Variants in ZNF724 observed in about 807,000 individuals in gnomAD.
ZNF724 encodes zinc finger protein 724 pseudogene.
A neutral mutation model predicts 29.3 loss-of-function variants in ZNF724; 14 were observed. The ratio of observed to expected loss-of-function variants is 0.48; its 90% CI spans 0.32 to 0.75. The LOEUF is 0.75. Among genes scored for constraint, ZNF724 ranks in the 30% least tolerant of loss-of-function variants. The pLI is 0.04. For synonymous variants in ZNF724, 180 were observed against 193.6 expected, an observed-to-expected ratio of 0.93 and a Z score of 0.58; for missense variants, 557 against 571.2, an observed-to-expected ratio of 0.98 and a Z score of 0.25.
At chr19:23,250,052 CG>C (rs1649685560) in intron 1 of ZNF724, among the ~76,000 whole-genome samples, 187 bp downstream of exon 1, 1 of 152,124 alleles carries the variant, frequency 6.6e-6, no homozygotes, top group South Asian at 2.1e-4. Flanking sequence ...ACAAGACGCC[CG>C]GGGGCCGGCT....
chr19:23,237,657 C>G (rs1972042821), intron 1 of ZNF724, among the ~76,000 whole-genome samples: 1 of 149,330 alleles, frequency 6.7e-6, no homozygotes. Context: ...GTAATCCCAG[C>G]TACTCAGCCG....
At chr19:23,249,404 CT>C (rs34604063) in intron 1 of ZNF724, among the ~76,000 whole-genome samples, 14 of 146,102 alleles carry the variant, frequency 9.6e-5, no homozygotes, top group Non-Finnish European at 1.1e-4. Flanking sequence ...CTATGCCCGG[CT>C]TTTTTTTTTT....
chr19:23,222,476 T>A lies in ZNF724; in HGVS notation c.1769A>T (p.Tyr590Phe), dbSNP rs748388065. 2.4e-5 allele frequency: 31 copies of A among 1,302,014 alleles called. No homozygotes were observed. The highest frequency in any genetic ancestry group is 1.8e-4 in the Middle Eastern group (1 of 5,476). The allele number at this position is 1,302,014 out of a possible 1,614,324, so 80.7% of individuals were successfully genotyped here. A position where few individuals can be genotyped will look rare whatever the true frequency, so the allele number is the denominator to read the frequency against. Residue 590 changes from tyrosine to phenylalanine, a missense_variant, in exon 4 of 4, where the codon TAC (tyrosine) becomes TTC (phenylalanine). By Grantham distance (22) the Tyr-to-Phe change is conservative. This residue lies in a region of ZNF724 where 170 missense variants were observed against 220.7 expected (regional missense o/e 0.77). Coordinates refer to ENST00000418100, the MANE Select transcript of ZNF724 (RefSeq NM_001355404.2). ...HKVIHTGEKP[Y>F]KCKECGKAFN... ...AGCTTTGCCACATTCTTTACATTTG[T>A]AGGGTTTCTCTCCAGTATGAATTAC...
chr19:23,226,290 A>G (rs1214034286), intron 3 of ZNF724, among the ~76,000 whole-genome samples: 1 of 152,090 alleles, frequency 6.6e-6, no homozygotes, highest in Non-Finnish European at 1.5e-5. Context: ...TGACCTCGTG[A>G]TCTGCCCACC....
chr19:23,222,794 C>T lies in ZNF724; in HGVS notation c.1451G>A (p.Gly484Asp). ...GEKPYKCEEC[G>D]KAFNLSSHLT... ...GTGTGAGGATAGGTTAAAAGCTTTG[C>T]CACATTCTTCACATTTGTAGGGTTT... Residue 484 changes from glycine to aspartate, a missense_variant, in exon 4 of 4, where the codon GGC (glycine) becomes GAC (aspartate). Coordinates refer to ENST00000418100, the MANE Select transcript of ZNF724 (RefSeq NM_001355404.2). 1 of 1,415,780 alleles carries T rather than the reference C, an allele frequency of 7.1e-7. No homozygotes were observed. The allele number at this position is 1,415,780 out of a possible 1,614,324, so 87.7% of individuals were successfully genotyped here.
intron 1 of ZNF724, among the ~76,000 whole-genome samples, chr19:23,245,733 T>TGCCTA (rs1191144213): frequency 6.6e-6 from 1 of 152,170 alleles, no homozygotes; most frequent in East Asian, 1.9e-4. Flanking sequence ...CACCCTTGTC[T>TGCCTA]GCCTAACCTT....
At chr19:23,232,097 A>G (rs1971944152) in intron 2 of ZNF724, 70 bp downstream of exon 2, 2 of 1,173,974 alleles carry the variant, frequency 1.7e-6, no homozygotes, top group East Asian at 4.7e-5. Context: ...AATTACCAAA[A>G]AACATCCTAC....
In ZNF724 at chr19:23,232,215, A is replaced by C. The variant is rs1284274657; in HGVS notation, c.82T>G (p.Leu28Val). Residue 28 changes from leucine (L) to valine (V), a missense_variant, in exon 2 of 4, where the codon TTA becomes GTA. This residue lies in a region of ZNF724 where 25 missense variants were observed against 54.9 expected (regional missense o/e 0.46). Transcript: ENST00000418100. The stretch of plus-strand genomic sequence containing the variant: ...TTCTCTAACATCACGTTCCTATATA[A>C]ATTCTGCTGTGCAGTGTCCAGGCAT... ...WQCLDTAQQNLYRNVMLENYR... is the reference protein window; with the variant it reads ...WQCLDTAQQNVYRNVMLENYR... The C allele has an allele frequency of 1.5e-6, 2 of 1,354,360 alleles. No individual in the cohort carries two copies. The highest frequency in any genetic ancestry group is 4.6e-5 in the East Asian group (2 of 43,648). The allele number at this position is 1,354,360 out of a possible 1,614,324, so 83.9% of individuals were successfully genotyped here.
intron 3 of ZNF724, among the ~76,000 whole-genome samples, chr19:23,224,812 A>G (rs1488825669): frequency 6.6e-6 from 1 of 151,782 alleles, no homozygotes; most frequent in African/African-American, 2.4e-5. Context: ...AAAATTAGCC[A>G]GGTGTGGTGG....
intron 1 of ZNF724, among the ~76,000 whole-genome samples, chr19:23,233,876 T>C (rs1272937066): frequency 6.6e-6 from 1 of 151,434 alleles, no homozygotes; most frequent in Non-Finnish European, 1.5e-5. Context: ...TCTGGACAAA[T>C]TACACCTGCA....
In ZNF724 at chr19:23,232,161, T is replaced by A; in HGVS notation, c.130+6A>T. ...ATTAGGAATTGTGTATTGAAGTTAT[T>A]CTCACCCAGGAAGACCAGGTTTCTG... On this transcript the variant is annotated splice_donor_region_variant and intron_variant, in intron 2 of 3. Transcript: ENST00000418100. 1 of 1,328,878 alleles carries A rather than the reference T, an allele frequency of 7.5e-7. No homozygotes were observed. The highest frequency in any genetic ancestry group is 2.3e-5 in the East Asian group (1 of 43,476). 82.3% of individuals were successfully genotyped at this position (1,328,878 alleles called of 1,614,324 possible). A position where few individuals can be genotyped will look rare whatever the true frequency, so the allele number is the denominator to read the frequency against.
chr19:23,234,961 A>G (rs1972000807), intron 1 of ZNF724, among the ~76,000 whole-genome samples: 1 of 152,232 alleles, frequency 6.6e-6, no homozygotes, highest in Non-Finnish European at 1.5e-5. Flanking sequence ...CACTCTTGTC[A>G]CAACACAAAT....
intron 3 of ZNF724, among the ~76,000 whole-genome samples, chr19:23,225,062 G>A (rs1283771005): frequency 6.6e-6 from 1 of 151,946 alleles, no homozygotes; most frequent in Non-Finnish European, 1.5e-5. Context: ...AACCAAGGAT[G>A]CAGCCATTAT....
chr19:23,227,014 C>A (rs1210833906), intron 3 of ZNF724, among the ~76,000 whole-genome samples: 1 of 151,846 alleles, frequency 6.6e-6, no homozygotes, highest in Non-Finnish European at 1.5e-5. Flanking sequence ...CATTAATGGA[C>A]CATTAAAAAA....
At chr19:23,239,404 A>G (rs566908649) in intron 1 of ZNF724, among the ~76,000 whole-genome samples, 3 of 152,338 alleles carry the variant, frequency 2.0e-5, no homozygotes, top group Non-Finnish European at 4.4e-5. Flanking sequence ...GATATAATTC[A>G]ATACAAAGAA....
Position 23,223,418 on chromosome 19 carries a change from T to C in ZNF724, c.827A>G (p.His276Arg), listed in dbSNP as rs1183947530. The change falls in exon 4 of 4, where the codon CAT becomes CGT. Residue 276 changes from histidine (H) to arginine (R), a missense_variant. Physicochemically the swap from His to Arg is conservative, Grantham distance 29 (BLOSUM62 0). Around this residue, in one of 3 missense-constraint regions of ZNF724, gnomAD observed 362 missense variants for 295.5 expected, o/e 1.22. Coordinates refer to ENST00000418100, the MANE Select transcript of ZNF724 (RefSeq NM_001355404.2). ...SSHLTTHKIIHTGENAYKCKE... is the reference protein window; with the variant it reads ...SSHLTTHKIIRTGENAYKCKE... The stretch of plus-strand genomic sequence containing the variant: ...ACATTTGTAGGCATTCTCTCCAGTA[T>C]GAATTATCTTATGTGTAGTAAGGTG... 1.3e-6 allele frequency: 1 copy of C among 771,428 alleles called. No homozygotes were observed. Among genetic ancestry groups the C allele is most frequent in the South Asian group, 1.4e-5 (1 of 73,810 alleles). 47.8% of individuals were successfully genotyped at this position (771,428 alleles called of 1,614,324 possible).
chr19:23,238,068 AAG>A (rs1972052265), intron 1 of ZNF724, among the ~76,000 whole-genome samples: 1 of 152,140 alleles, frequency 6.6e-6, no homozygotes. Flanking sequence ...TATCTACTTT[AAG>A]AGACTGAAAA....
intron 1 of ZNF724, among the ~76,000 whole-genome samples, chr19:23,248,468 G>A (rs1045281771): frequency 7.9e-5 from 12 of 151,976 alleles, no homozygotes; most frequent in African/African-American, 2.2e-4. Context: ...TAAAAAATGC[G>A]GGGAAAATCA....
intron 3 of ZNF724, among the ~76,000 whole-genome samples, chr19:23,225,244 A>G (rs1322719199): frequency 6.6e-6 from 1 of 152,164 alleles, no homozygotes; most frequent in East Asian, 1.9e-4. Flanking sequence ...AGTAACCCAG[A>G]TGTCTTTTGA....
Sources: allele counts gnomAD v4.1 joint callset (sites outside exome capture counted in the v4.1 genomes callset), GRCh38; gene constraint gnomAD v4.1.1; regional missense constraint gnomAD v4.1.1; transcripts MANE v1.5; gene names NCBI Gene and HGNC (gene_info 2026-07-23, HGNC 2026-07-21).